The following EXOC6B variants were observed in gnomAD, a reference collection of about 807,000 sequenced individuals.
EXOC6B encodes SEC15 homolog B.
Under a neutral mutation model 113.5 loss-of-function variants are expected in EXOC6B, and 54 were observed. That is an observed-to-expected ratio of 0.48 (90% CI 0.38 to 0.60). EXOC6B has a LOEUF of 0.60. EXOC6B is among the 20% of genes least tolerant of loss of function. EXOC6B has a pLI of 0.00. For missense variants in EXOC6B, 797 were observed against 977.5 expected, an observed-to-expected ratio of 0.82 and a Z score of 2.46; for synonymous variants, 357 against 339.0, an observed-to-expected ratio of 1.05 and a Z score of -0.58.
chr2:72,537,822 C>T (rs1248199429), intron 8 of EXOC6B, among the ~76,000 whole-genome samples: 5 of 152,038 alleles, frequency 3.3e-5, no homozygotes, highest in African/African-American at 7.2e-5. Context: ...TATTCAGATA[C>T]GGTATATCAA....
rs554565990 is a variant in EXOC6B, at chr2:72,664,444, C to T, written c.669+53659G>A. The stretch of plus-strand genomic sequence containing the variant: ...AGGGTGGGATGGCCCACTCTTGCCA[C>T]GAAACTCTGGGATCCCAGGTACAAG... On this transcript the variant is annotated intron_variant, in intron 6 of 21. Transcript: ENST00000272427. 7.7e-4 allele frequency among the ~76,000 whole-genome samples: 117 copies of T among 152,168 alleles called. 1 individual carries two copies. The highest frequency in any genetic ancestry group is 6.8e-3 in the Middle Eastern group (2 of 294).
intron 1 of EXOC6B, among the ~76,000 whole-genome samples, chr2:72,765,621 C>T (rs755577867): frequency 1.5e-4 from 23 of 152,102 alleles, no homozygotes; most frequent in Middle Eastern, 3.4e-3. Flanking sequence ...TGCTGTGAGC[C>T]GAGATTGCGC....
At chr2:72,557,846 T>C (rs1703653067) in intron 8 of EXOC6B, among the ~76,000 whole-genome samples, 1 of 152,156 alleles carries the variant, frequency 6.6e-6, no homozygotes, top group Admixed American at 6.5e-5. Flanking sequence ...CAGACAATAT[T>C]AATTTTATTT....
rs572918389 is a variant in EXOC6B, at chr2:72,799,380, G to A, written c.113+26418C>T. On this transcript the variant is annotated intron_variant, in intron 1 of 21. Transcript: ENST00000272427. ...AGCCTAGGAGATTGAGACCAACCTGGGCAACATAGCAAAACCCCACCTCTA... is the reference window on the plus strand; with the variant it reads ...AGCCTAGGAGATTGAGACCAACCTGAGCAACATAGCAAAACCCCACCTCTA... Among the ~76,000 whole-genome samples the A allele has an allele frequency of 2.0e-5, 3 of 151,988 alleles. No individual in the cohort carries two copies. In the East Asian group the frequency reaches 5.8e-4, roughly 29 times the overall value.
intron 20 of EXOC6B, among the ~76,000 whole-genome samples, chr2:72,326,940 CTT>C (rs923623229): frequency 6.6e-6 from 1 of 152,024 alleles, no homozygotes; most frequent in Non-Finnish European, 1.5e-5. Context: ...AATGGAAACT[CTT>C]AGCCTGGGAG....
At chr2:72,576,790 A>C (rs1319514543) in intron 6 of EXOC6B, among the ~76,000 whole-genome samples, 1 of 152,154 alleles carries the variant, frequency 6.6e-6, no homozygotes, top group Admixed American at 6.5e-5. Flanking sequence ...AACATTTCCC[A>C]AGAGAACTTT....
chr2:72,394,785 G>A (rs1027503793), intron 18 of EXOC6B, among the ~76,000 whole-genome samples: 2 of 152,026 alleles, frequency 1.3e-5, no homozygotes, highest in African/African-American at 4.8e-5. Flanking sequence ...AATCTACAAA[G>A]CCCTATTAGT....
At chr2:72,553,159 C>A (rs1461624093) in intron 8 of EXOC6B, among the ~76,000 whole-genome samples, 2 of 151,918 alleles carry the variant, frequency 1.3e-5, no homozygotes, top group African/African-American at 4.8e-5. Context: ...GTGAGATCAA[C>A]CTATAAAAAT....
intron 20 of EXOC6B, among the ~76,000 whole-genome samples, chr2:72,255,101 T>G (rs1052447969): frequency 3.9e-5 from 6 of 152,162 alleles, no homozygotes; most frequent in African/African-American, 1.4e-4. Context: ...AGACTTGGCA[T>G]GTGTCTCATT....
intron 20 of EXOC6B, among the ~76,000 whole-genome samples, chr2:72,322,318 C>T (rs1016914615): frequency 6.6e-6 from 1 of 152,080 alleles, no homozygotes; most frequent in Admixed American, 6.5e-5. Flanking sequence ...AAGCCAGACA[C>T]AAAGGGTGCA....
chr2:72,548,116 TC>T (rs1193087417), intron 8 of EXOC6B, among the ~76,000 whole-genome samples: 1 of 152,012 alleles, frequency 6.6e-6, no homozygotes, highest in Non-Finnish European at 1.5e-5. Flanking sequence ...CTTTCTTCCC[TC>T]CCCTCCCCCT....
chr2:72,645,589 G>A (rs1015893505), intron 6 of EXOC6B, among the ~76,000 whole-genome samples: 1 of 152,066 alleles, frequency 6.6e-6, no homozygotes, highest in African/African-American at 2.4e-5. Flanking sequence ...CAAAAAAACT[G>A]TCTTTCAGAC....
At chr2:72,395,707 T>C (rs1692685673) in intron 18 of EXOC6B, among the ~76,000 whole-genome samples, 2 of 152,112 alleles carry the variant, frequency 1.3e-5, no homozygotes, top group South Asian at 4.1e-4. Flanking sequence ...TAACTTAGGG[T>C]CAAATCTTCA....
At chr2:72,330,072 C>A (rs1318382454) in intron 20 of EXOC6B, among the ~76,000 whole-genome samples, 1 of 152,064 alleles carries the variant, frequency 6.6e-6, no homozygotes, top group South Asian at 2.1e-4. Flanking sequence ...ATGTCACAAC[C>A]TAGTTCATTC....
chr2:72,513,334 G>T, intron 10 of EXOC6B, 82 bp from the exon 11 acceptor site: 5 of 1,520,986 alleles, frequency 3.3e-6, no homozygotes, highest in Non-Finnish European at 3.6e-6. Flanking sequence ...AGCATTAAGA[G>T]ATACCATCAA....
chr2:72,399,065 A>G (rs938564557), intron 18 of EXOC6B, among the ~76,000 whole-genome samples: 2 of 152,002 alleles, frequency 1.3e-5, no homozygotes, highest in South Asian at 4.2e-4. Flanking sequence ...CATATCAACT[A>G]TGTATGAGCA....
intron 16 of EXOC6B, among the ~76,000 whole-genome samples, chr2:72,491,588 T>C (rs750845499): frequency 6.6e-6 from 1 of 152,164 alleles, no homozygotes; most frequent in Non-Finnish European, 1.5e-5. Context: ...GAAAAACAGA[T>C]TGAGGTTACT....
At chr2:72,461,239 A>G (rs938159969) in intron 18 of EXOC6B, among the ~76,000 whole-genome samples, 1 of 149,108 alleles carries the variant, frequency 6.7e-6, no homozygotes, top group Non-Finnish European at 1.5e-5. Flanking sequence ...GGATAGCATT[A>G]GGAGATATAC....
At chr2:72,387,151 T>TCA (rs1176945608) in intron 18 of EXOC6B, among the ~76,000 whole-genome samples, 1 of 152,184 alleles carries the variant, frequency 6.6e-6, no homozygotes, top group Non-Finnish European at 1.5e-5. Flanking sequence ...ATGGATACAC[T>TCA]CACACACACA....
Sources: allele counts gnomAD v4.1 joint callset (sites outside exome capture counted in the v4.1 genomes callset), GRCh38; gene constraint gnomAD v4.1.1; transcripts MANE v1.5; gene names NCBI Gene and HGNC (gene_info 2026-07-23, HGNC 2026-07-21).